CDC42BPA: variants seen among roughly 807,000 people sequenced by gnomAD.
CDC42BPA encodes the protein CDC42 binding protein kinase alpha.
Under a neutral mutation model 223.5 loss-of-function variants are expected in CDC42BPA, and 80 were observed. The observed-to-expected ratio is 0.36, with a 90% CI of 0.30 to 0.43. The LOEUF is 0.43. CDC42BPA is among the 20% of genes least tolerant of loss of function. The pLI, the probability that CDC42BPA is intolerant of heterozygous loss-of-function variation, is 1.00. For synonymous variants in CDC42BPA, 694 were observed against 718.6 expected (o/e 0.97, Z 0.55); for missense variants, 1,743 against 2,099.9 (o/e 0.83, Z 3.32).
At position 227,177,082 on chromosome 1, in the gene CDC42BPA, C is replaced by CA. The variant is rs200053797; in HGVS notation, c.600-16447dup. Among the ~76,000 whole-genome samples the CA allele has an allele frequency of 7.9e-5, 3 of 37,782 alleles. No individual in the cohort carries two copies. The East Asian group carries it at 1.0e-3, about 13-fold the overall frequency. 24.8% of individuals were successfully genotyped at this position (37,782 alleles called of 152,430 possible). On this transcript the variant is annotated intron_variant, in intron 5 of 36. Coordinates refer to ENST00000366766, the MANE Select transcript of CDC42BPA (RefSeq NM_001394014.1). Reference sequence around the variant, plus strand: ...TACATTATGTATTCATTCAATATCCCAAAAAACAACTTTTACTTTAAAGCC... The same window carrying CA: ...TACATTATGTATTCATTCAATATCCCAAAAAAACAACTTTTACTTTAAAGCC...
intron 32 of CDC42BPA, among the ~76,000 whole-genome samples, chr1:227,023,016 C>A (rs1224258911): frequency 1.3e-5 from 2 of 152,144 alleles, no homozygotes; most frequent in Admixed American, 6.5e-5. Flanking sequence ...CTCAGGTACT[C>A]CACAGAAAAA....
intron 5 of CDC42BPA, among the ~76,000 whole-genome samples, chr1:227,166,228 T>C (rs1665009127): frequency 6.6e-6 from 1 of 152,212 alleles, no homozygotes; most frequent in African/African-American, 2.4e-5. Context: ...AAATGGTCAC[T>C]ATTTGGGCAG....
intron 17 of CDC42BPA, among the ~76,000 whole-genome samples, chr1:227,077,696 C>A (rs1679785293): frequency 6.6e-6 from 1 of 152,124 alleles, no homozygotes; most frequent in East Asian, 1.9e-4. Context: ...GTCTCAGGAT[C>A]ACCTCAGTCT....
intron 1 of CDC42BPA, among the ~76,000 whole-genome samples, chr1:227,302,997 G>GT (rs1165372083): frequency 8.1e-6 from 1 of 123,904 alleles, no homozygotes; most frequent in Non-Finnish European, 1.7e-5. Context: ...ATGTGATTTG[G>GT]TTTTTTTGGG....
At chr1:227,067,477 CTTT>C (rs1315374874) in intron 21 of CDC42BPA, among the ~76,000 whole-genome samples, 1 of 151,912 alleles carries the variant, frequency 6.6e-6, no homozygotes, top group Non-Finnish European at 1.5e-5. Flanking sequence ...CCTTCCCTTT[CTTT>C]TTTAAGGTGA....
intron 11 of CDC42BPA, among the ~76,000 whole-genome samples, chr1:227,127,439 C>T (rs1270469084): frequency 6.6e-6 from 1 of 152,162 alleles, no homozygotes; most frequent in Non-Finnish European, 1.5e-5. Context: ...CTTTCAAAAG[C>T]TACTGCCATT....
intron 9 of CDC42BPA, among the ~76,000 whole-genome samples, chr1:227,142,365 A>C (rs1340869088): frequency 6.6e-6 from 1 of 152,136 alleles, no homozygotes; most frequent in Non-Finnish European, 1.5e-5. Context: ...ACATCTAGAG[A>C]ATATTCAACA....
intron 14 of CDC42BPA, among the ~76,000 whole-genome samples, chr1:227,110,404 T>C (rs1481290378): frequency 1.3e-5 from 2 of 152,184 alleles, no homozygotes; most frequent in Non-Finnish European, 2.9e-5. Flanking sequence ...GACACAGAGA[T>C]GTGTTTGGCA....
In CDC42BPA at chr1:227,317,422, T is replaced by G; in HGVS notation, c.-240A>C. 2.4e-6 allele frequency: 1 copy of G among 414,722 alleles called. No individual in the cohort carries two copies. Among genetic ancestry groups the G allele is most frequent in the Non-Finnish European group, 4.2e-6 (1 of 237,478 alleles). The allele number at this position is 414,722 out of a possible 1,614,324, so 25.7% of individuals were successfully genotyped here. Reference sequence around the variant, plus strand: ...GGTAAATTACCATAAAATATATACTTAATGCATTTTTAAAAGAATACAATT... The same window carrying G: ...GGTAAATTACCATAAAATATATACTGAATGCATTTTTAAAAGAATACAATT... On this transcript the variant is annotated 5_prime_UTR_variant, in exon 1 of 37. An upstream open reading frame in the 5' UTR loses its in-frame stop. Transcript: ENST00000366766.
Position 227,268,599 on chromosome 1 carries a change from G to A in CDC42BPA, c.179-14444C>T, listed in dbSNP as rs73098317. On this transcript the variant is annotated intron_variant, in intron 1 of 36. Transcript: ENST00000366766. ...GTGTATATATATATGTGTATATATA[G>A]TGTGTGTATAGTGTGTGTATATATA... Among the ~76,000 whole-genome samples, 917 of 117,388 alleles carry A rather than the reference G, an allele frequency of 7.8e-3. 13 individuals are homozygous for A. The highest frequency in any genetic ancestry group is 0.025 in the African/African-American group (873 of 34,352). The allele number at this position is 117,388 out of a possible 152,430, so 77.0% of individuals were successfully genotyped here.
intron 21 of CDC42BPA, among the ~76,000 whole-genome samples, chr1:227,063,790 T>A (rs34953255): frequency 0.096 from 14,673 of 152,164 alleles, 874 homozygotes; most frequent in Middle Eastern, 0.16. Context: ...CACATACAAT[T>A]GACCATTCCC....
At chr1:227,294,330 A>T (rs952263557) in intron 1 of CDC42BPA, among the ~76,000 whole-genome samples, 2 of 152,168 alleles carry the variant, frequency 1.3e-5, no homozygotes, top group African/African-American at 4.8e-5. Flanking sequence ...TGAAATAATA[A>T]GCAGACTTTG....
chr1:227,019,269 G>A (rs764251280), intron 32 of CDC42BPA, among the ~76,000 whole-genome samples: 1 of 151,708 alleles, frequency 6.6e-6, no homozygotes, highest in Non-Finnish European at 1.5e-5. Flanking sequence ...GCTTACCCAT[G>A]AGATACAACA....
chr1:227,042,408 G>A (rs1469969380), intron 23 of CDC42BPA, among the ~76,000 whole-genome samples: 1 of 151,918 alleles, frequency 6.6e-6, no homozygotes, highest in African/African-American at 2.4e-5. Context: ...TGTTTTGGCT[G>A]AGCATTAATT....
chr1:227,288,627 C>T (rs372805321), intron 1 of CDC42BPA, among the ~76,000 whole-genome samples: 30 of 150,700 alleles, frequency 2.0e-4, no homozygotes, highest in Admixed American at 5.3e-4. Context: ...ACCCGGGAGG[C>T]GGGGGTTGCA....
intron 16 of CDC42BPA, among the ~76,000 whole-genome samples, chr1:227,084,636 C>T (rs1346405174): frequency 4.6e-5 from 7 of 151,930 alleles, no homozygotes; most frequent in Admixed American, 2.6e-4. Flanking sequence ...TTTATTACCA[C>T]TCCTTTCTTC....
intron 2 of CDC42BPA, among the ~76,000 whole-genome samples, chr1:227,232,833 G>A (rs1024766136): frequency 2.0e-5 from 3 of 152,210 alleles, no homozygotes; most frequent in Non-Finnish European, 4.4e-5. Context: ...ACTGGGAGGT[G>A]TCTCCCAGTT....
At chr1:227,006,698 A>G (rs961659695) in intron 34 of CDC42BPA, among the ~76,000 whole-genome samples, 1 of 152,122 alleles carries the variant, frequency 6.6e-6, no homozygotes, top group Non-Finnish European at 1.5e-5. Flanking sequence ...GCACTTTGGG[A>G]GACTGAGGTG....
At chr1:227,168,065 A>C (rs1665360298) in intron 5 of CDC42BPA, among the ~76,000 whole-genome samples, 1 of 151,846 alleles carries the variant, frequency 6.6e-6, no homozygotes, top group Non-Finnish European at 1.5e-5. Flanking sequence ...AGCTGGGATT[A>C]CAGGTGCCCG....
Sources: allele counts gnomAD v4.1 joint callset (sites outside exome capture counted in the v4.1 genomes callset), GRCh38; gene constraint gnomAD v4.1.1; transcripts MANE v1.5; gene names NCBI Gene and HGNC (gene_info 2026-07-23, HGNC 2026-07-21).